The following AP3S2 variants were observed in gnomAD, a reference collection of about 807,000 sequenced individuals.
The protein encoded by AP3S2 is AP-3 complex subunit sigma-2.
A neutral mutation model predicts 23.4 loss-of-function variants in AP3S2; 22 were observed. That is an observed-to-expected ratio of 0.94 (90% CI 0.67 to 1.34). The LOEUF is 1.34. AP3S2 is among the 40% of genes most tolerant of loss of function. The pLI is 0.00. For synonymous variants in AP3S2, 86 were observed against 87.1 expected (o/e 0.99, Z 0.07); for missense variants, 241 against 236.9 (o/e 1.02, Z -0.11).
chr15:89,876,245 C>G (rs886321621), intron 3 of AP3S2, among the ~76,000 whole-genome samples: 2 of 151,974 alleles, frequency 1.3e-5, no homozygotes, highest in Non-Finnish European at 2.9e-5. Context: ...ATGGCAAAAC[C>G]CTGTCTCTAC....
chr15:89,843,122 T>A (rs1450249142), intron 4 of AP3S2, among the ~76,000 whole-genome samples: 2 of 151,270 alleles, frequency 1.3e-5, no homozygotes, highest in Non-Finnish European at 2.9e-5. Flanking sequence ...GTAGCTGGGA[T>A]TACAGGCATG....
chr15:89,863,060 T>C (rs1247439996), intron 4 of AP3S2, among the ~76,000 whole-genome samples: 1 of 151,786 alleles, frequency 6.6e-6, no homozygotes, highest in Non-Finnish European at 1.5e-5. Context: ...ATCAGCAGGG[T>C]TCTATATGAC....
At chr15:89,845,055 G>A (rs1046414890) in intron 4 of AP3S2, among the ~76,000 whole-genome samples, 4 of 151,994 alleles carry the variant, frequency 2.6e-5, no homozygotes, top group African/African-American at 9.6e-5. Context: ...ACAGGCGCCC[G>A]CCACCACGCC....
At chr15:89,856,872 TAA>T (rs146502390) in intron 4 of AP3S2, among the ~76,000 whole-genome samples, 20 of 120,528 alleles carry the variant, frequency 1.7e-4, no homozygotes, top group Non-Finnish European at 1.7e-4. Flanking sequence ...GACTCTGTCT[TAA>T]AAAAAAAAAA....
rs940845538 is a variant in AP3S2 at position 89,878,163 on chromosome 15, C to A, written c.274-6617G>T. ...TCGTTAGAAGATCTTGCCACTGGTA[C>A]ATAATCCAGCACAAATAAGCTGGGT... On this transcript the variant is annotated intron_variant, in intron 3 of 5. Transcript: ENST00000336418. 19 of 546,334 alleles carry A rather than the reference C, an allele frequency of 3.5e-5. No individual in the cohort carries two copies. In the African/African-American group the frequency reaches 3.8e-4, roughly 11 times the overall value. The allele number at this position is 546,334 out of a possible 1,614,324, so 33.8% of individuals were successfully genotyped here. A position where few individuals can be genotyped will look rare whatever the true frequency, so the allele number is the denominator to read the frequency against.
chr15:89,863,012 A>G (rs879721909), intron 4 of AP3S2, among the ~76,000 whole-genome samples: 4 of 152,212 alleles, frequency 2.6e-5, no homozygotes, highest in Non-Finnish European at 5.9e-5. Flanking sequence ...GACTGACAAC[A>G]TAACTTCCTG....
chr15:89,874,892 AAAT>A (rs1896405036), intron 3 of AP3S2, among the ~76,000 whole-genome samples: 1 of 152,244 alleles, frequency 6.6e-6, no homozygotes, highest in Non-Finnish European at 1.5e-5. Context: ...GCAATTTTAA[AAAT>A]AAGAGTCGTA....
chr15:89,849,018 G>A (rs1010875667), intron 4 of AP3S2: 1 of 152,136 alleles, frequency 6.6e-6, no homozygotes, highest in Non-Finnish European at 1.5e-5. Context: ...GCAAAGGACT[G>A]ACTATCCTCA....
rs769063393 is a variant in AP3S2 at position 89,893,966 on chromosome 15, T to G, written c.-17A>C. On this transcript the variant is annotated 5_prime_UTR_variant, in exon 1 of 6. Coordinates refer to ENST00000336418, the MANE Select transcript of AP3S2 (RefSeq NM_005829.5). ...CTGAATCATCTTTGCCAGCCACGGT[T>G]CTCTCAGCACCGGCTACTCCCAGAA... 5.0e-5 allele frequency: 78 copies of G among 1,550,644 alleles called. 1 individual carries two copies. The Admixed American group carries it at 1.5e-3, about 30-fold the overall frequency.
chr15:89,869,615 A>G (rs1204407432), intron 4 of AP3S2, among the ~76,000 whole-genome samples: 2 of 150,638 alleles, frequency 1.3e-5, no homozygotes, highest in African/African-American at 4.9e-5. Flanking sequence ...AGTAAAATCT[A>G]TCCTTGAATC....
chr15:89,868,384 G>GT (rs1257846318), intron 4 of AP3S2, among the ~76,000 whole-genome samples: 9 of 44,298 alleles, frequency 2.0e-4, no homozygotes, highest in East Asian at 1.0e-3. Context: ...TGTCCGGGAG[G>GT]GAGGTGGGGG....
At chr15:89,839,070 C>A (rs1375641731) in intron 4 of AP3S2, among the ~76,000 whole-genome samples, 1 of 152,188 alleles carries the variant, frequency 6.6e-6, no homozygotes, top group Non-Finnish European at 1.5e-5. Flanking sequence ...ACTCCTCCAG[C>A]TTGACAATCA....
chr15:89,852,245 GAAAT>G (rs1250654544), intron 4 of AP3S2: 2 of 152,162 alleles, frequency 1.3e-5, no homozygotes, highest in Non-Finnish European at 2.9e-5. Context: ...GATGATGTAG[GAAAT>G]AAATGAGACA....
chr15:89,883,147 A>G (rs1896611595), intron 3 of AP3S2, among the ~76,000 whole-genome samples: 1 of 152,164 alleles, frequency 6.6e-6, no homozygotes, highest in South Asian at 2.1e-4. Flanking sequence ...AGACTTCTTT[A>G]ATTATGAATT....
At chr15:89,843,810 G>GAAACAA (rs746386313) in intron 4 of AP3S2, among the ~76,000 whole-genome samples, 15 of 152,158 alleles carry the variant, frequency 9.9e-5, no homozygotes, top group Admixed American at 2.6e-4. Flanking sequence ...CTCCGTCTCA[G>GAAACAA]AAACAAAAAC....
At chr15:89,866,797 A>T (rs1282294609) in intron 4 of AP3S2, among the ~76,000 whole-genome samples, 2 of 150,424 alleles carry the variant, frequency 1.3e-5, no homozygotes, top group South Asian at 2.1e-4. Flanking sequence ...CAGCTGGCAC[A>T]CAAATACAGA....
chr15:89,872,784 T>A (rs769360501), intron 3 of AP3S2, among the ~76,000 whole-genome samples: 1 of 152,196 alleles, frequency 6.6e-6, no homozygotes, highest in Non-Finnish European at 1.5e-5. Flanking sequence ...CTCTTCTCTA[T>A]GTAAGTAAAG....
At chr15:89,840,332 G>A (rs760116981) in intron 4 of AP3S2, among the ~76,000 whole-genome samples, 3 of 152,124 alleles carry the variant, frequency 2.0e-5, no homozygotes, top group African/African-American at 7.2e-5. Context: ...AGTAGTACTT[G>A]TTGAGTATCT....
At chr15:89,878,409 A>C (rs945408668) in intron 3 of AP3S2, 1 of 516,340 alleles carries the variant, frequency 1.9e-6, no homozygotes, top group Admixed American at 4.0e-5. Flanking sequence ...AAACAAACAA[A>C]ACAAATGAGC....
Sources: allele counts gnomAD v4.1 joint callset (sites outside exome capture counted in the v4.1 genomes callset), GRCh38; gene constraint gnomAD v4.1.1; transcripts MANE v1.5; gene names NCBI Gene and HGNC (gene_info 2026-07-23, HGNC 2026-07-21).